Variants in RFX3 observed in about 807,000 individuals in gnomAD.
RFX3 encodes transcription factor RFX3.
A neutral mutation model predicts 98.6 loss-of-function variants in RFX3; 14 were observed. The observed-to-expected ratio is 0.14, with a 90% CI of 0.09 to 0.22. The LOEUF is 0.22. Ranked by LOEUF, RFX3 falls within the 10% of genes least tolerant of loss-of-function variation. RFX3 has a pLI of 1.00. For synonymous variants in RFX3, 383 were observed against 328.4 expected (o/e 1.17, Z -1.80); for missense variants, 639 against 926.9 (o/e 0.69, Z 4.03).
chr9:3,472,279 A>G (rs1848845125), intron 1 of RFX3, among the ~76,000 whole-genome samples: 1 of 152,238 alleles, frequency 6.6e-6, no homozygotes, highest in South Asian at 2.1e-4. Flanking sequence ...TTAGTGTTAA[A>G]CAGACCACAG....
intron 1 of RFX3, among the ~76,000 whole-genome samples, chr9:3,510,242 A>G (rs559504291): frequency 6.6e-6 from 1 of 152,084 alleles, no homozygotes; most frequent in South Asian, 2.1e-4. Flanking sequence ...GATACTCATC[A>G]CAGGGGATTT....
At chr9:3,301,497 C>T (rs1361357604) in intron 5 of RFX3, 49 bp downstream of exon 5, 1 of 1,273,100 alleles carries the variant, frequency 7.9e-7, no homozygotes, top group Admixed American at 1.8e-5. Context: ...GCAAGCAACA[C>T]ATGCAGAACA....
chr9:3,397,136 G>A (rs1014168692), intron 1 of RFX3, among the ~76,000 whole-genome samples: 6 of 152,130 alleles, frequency 3.9e-5, no homozygotes, highest in African/African-American at 1.4e-4. Context: ...AACATGCCAC[G>A]TTTCTCAGTT....
intron 1 of RFX3, among the ~76,000 whole-genome samples, chr9:3,486,128 CAAAAAAA>C (rs772747349): frequency 3.7e-4 from 18 of 49,156 alleles, no homozygotes; most frequent in Non-Finnish European, 5.1e-4. Flanking sequence ...TGTCTCAAAC[CAAAAAAA>C]AAAAAAAAAA....
intron 2 of RFX3, among the ~76,000 whole-genome samples, chr9:3,352,950 A>T (rs2131270319): frequency 6.6e-6 from 1 of 152,164 alleles, no homozygotes; most frequent in African/African-American, 2.4e-5. Flanking sequence ...ACCAACCCAA[A>T]TGTCCAACAA....
chr9:3,383,237 G>A (rs1839379267), intron 2 of RFX3, among the ~76,000 whole-genome samples: 1 of 151,976 alleles, frequency 6.6e-6, no homozygotes, highest in Non-Finnish European at 1.5e-5. Context: ...GAGGTTCAAG[G>A]ATCACTTTTT....
intron 1 of RFX3, among the ~76,000 whole-genome samples, chr9:3,506,550 C>T (rs1392334735): frequency 1.3e-5 from 2 of 151,854 alleles, no homozygotes; most frequent in Non-Finnish European, 2.9e-5. Context: ...CACCCTGTCA[C>T]AACTAGAAAA....
In RFX3 at chr9:3,504,889, TATAAC is replaced by T. The variant is rs1816678010; in HGVS notation, c.-9+20853_-9+20857del. On this transcript the variant is annotated intron_variant, in intron 1 of 16. Transcript: ENST00000617270. Reference sequence around the variant, plus strand: ...TATATATTATATATATTATATATAATATAACATATATTATATATATATATAATATA... The same window carrying T: ...TATATATTATATATATTATATATAATATATATTATATATATATATAATATA... Among the ~76,000 whole-genome samples the T allele has an allele frequency of 6.4e-5, 4 of 62,358 alleles. No individual in the cohort carries two copies. In the South Asian group the frequency reaches 1.4e-3, roughly 21 times the overall value. The allele number at this position is 62,358 out of a possible 152,430, so 40.9% of individuals were successfully genotyped here. A position where few individuals can be genotyped will look rare whatever the true frequency, so the allele number is the denominator to read the frequency against.
At chr9:3,420,945 T>C (rs1249197377) in intron 1 of RFX3, 4 of 982,486 alleles carry the variant, frequency 4.1e-6, no homozygotes, top group Non-Finnish European at 4.8e-6. Flanking sequence ...TAAAGTTCTG[T>C]GGCTACAACA....
rs1270889098 is a variant in RFX3 at position 3,504,957 on chromosome 9, TTA to T, written c.-9+20788_-9+20789del. ...TATAATATATATAATATAATATATA[TTA>T]TATATAATATATATTATATAATATA... On this transcript the variant is annotated intron_variant, in intron 1 of 16. Transcript: ENST00000617270. Among the ~76,000 whole-genome samples the T allele has an allele frequency of 4.4e-3, 261 of 58,978 alleles. 6 individuals carry two copies. Among genetic ancestry groups the T allele is most frequent in the African/African-American group, 0.024 (243 of 10,088 alleles). 38.7% of individuals were successfully genotyped at this position (58,978 alleles called of 152,430 possible). A position where few individuals can be genotyped will look rare whatever the true frequency, so the allele number is the denominator to read the frequency against.
At chr9:3,477,058 A>G (rs971082511) in intron 1 of RFX3, among the ~76,000 whole-genome samples, 1 of 152,140 alleles carries the variant, frequency 6.6e-6, no homozygotes, top group Admixed American at 6.5e-5. Context: ...TTTATGTAAT[A>G]ATTATTTTCA....
chr9:3,325,338 G>C (rs947708676), intron 4 of RFX3, among the ~76,000 whole-genome samples: 10 of 151,628 alleles, frequency 6.6e-5, no homozygotes, highest in African/African-American at 2.4e-4. Context: ...ATATAAACTA[G>C]GCCAAACTTT....
intron 2 of RFX3, among the ~76,000 whole-genome samples, chr9:3,377,048 G>A (rs1838620131): frequency 6.6e-6 from 1 of 152,174 alleles, no homozygotes; most frequent in African/African-American, 2.4e-5. Flanking sequence ...ATTCCTCAGG[G>A]ATCTAGAACT....
chr9:3,405,158 A>G (rs1170499093), intron 1 of RFX3, among the ~76,000 whole-genome samples: 1 of 152,074 alleles, frequency 6.6e-6, no homozygotes, highest in Non-Finnish European at 1.5e-5. Context: ...TGTCTGGCCA[A>G]TCTTTCTGTT....
At chr9:3,255,025 A>G in intron 14 of RFX3, among the ~76,000 whole-genome samples, 1 of 152,190 alleles carries the variant, frequency 6.6e-6, no homozygotes, top group Non-Finnish European at 1.5e-5. Context: ...ACAAAACAAC[A>G]GCAAAAAACT....
intron 11 of RFX3, among the ~76,000 whole-genome samples, chr9:3,268,804 C>T (rs520147): frequency 0.98 from 149,652 of 152,052 alleles, 73,689 homozygotes; most frequent in Middle Eastern, 1. Context: ...GGTGCTGTTA[C>T]AGAAGCAAAA....
chr9:3,325,035 G>A (rs1056716562), intron 4 of RFX3, among the ~76,000 whole-genome samples: 1 of 152,042 alleles, frequency 6.6e-6, no homozygotes, highest in Non-Finnish European at 1.5e-5. Context: ...CTAAGGATGA[G>A]AATTGGGAAA....
At chr9:3,501,450 G>A (rs1164876839) in intron 1 of RFX3, among the ~76,000 whole-genome samples, 1 of 151,652 alleles carries the variant, frequency 6.6e-6, no homozygotes, top group African/African-American at 2.4e-5. Context: ...TATTTCTCCT[G>A]ACAGACTATT....
intron 4 of RFX3, among the ~76,000 whole-genome samples, chr9:3,314,586 TAA>T (rs771409853): frequency 6.6e-6 from 1 of 151,964 alleles, no homozygotes; most frequent in Non-Finnish European, 1.5e-5. Flanking sequence ...GCAAATTGGA[TAA>T]AGACTCAAGA....
Sources: allele counts gnomAD v4.1 joint callset (sites outside exome capture counted in the v4.1 genomes callset), GRCh38; gene constraint gnomAD v4.1.1; transcripts MANE v1.5; gene names NCBI Gene and HGNC (gene_info 2026-07-23, HGNC 2026-07-21).